ERC2: variants seen among roughly 807,000 people sequenced by gnomAD.
ERC2 encodes the protein ELKS/RAB6-interacting/CAST family member 2.
In ERC2, 42 loss-of-function variants were observed where a neutral mutation model predicts 114.8. The ratio of observed to expected loss-of-function variants is 0.37; its 90% CI spans 0.29 to 0.47. The LOEUF (loss-of-function observed/expected upper bound fraction) is 0.47, where lower values mean the gene tolerates loss of function less well. Among genes scored for constraint, ERC2 ranks in the 20% least tolerant of loss-of-function variants. The probability of loss-of-function intolerance (pLI) is 0.99; values close to 1 mark genes in which losing one functional copy is unlikely to be tolerated. For synonymous variants in ERC2, 454 were observed against 425.5 expected, an observed-to-expected ratio of 1.07 and a Z score of -0.82; for missense variants, 939 against 1,150.7, an observed-to-expected ratio of 0.82 and a Z score of 2.66.
At chr3:55,584,166 G>A (rs546235650) in intron 17 of ERC2, among the ~76,000 whole-genome samples, 1 of 152,278 alleles carries the variant, frequency 6.6e-6, no homozygotes, top group South Asian at 2.1e-4. Context: ...CCCCCACAGG[G>A]AAGCCTATTG....
At chr3:56,156,813 A>G (rs1303800232) in intron 4 of ERC2, among the ~76,000 whole-genome samples, 1 of 152,218 alleles carries the variant, frequency 6.6e-6, no homozygotes, top group Non-Finnish European at 1.5e-5. Flanking sequence ...CATCAAAATC[A>G]TCTAGAGAGT....
chr3:55,595,229 T>G (rs1303823879), intron 17 of ERC2, among the ~76,000 whole-genome samples: 1 of 152,216 alleles, frequency 6.6e-6, no homozygotes, highest in Non-Finnish European at 1.5e-5. Context: ...AATCAAGATA[T>G]CTGTTTAAAT....
intron 6 of ERC2, among the ~76,000 whole-genome samples, chr3:56,128,967 G>C (rs1476482018): frequency 1.3e-5 from 2 of 152,168 alleles, no homozygotes; most frequent in Non-Finnish European, 2.9e-5. Context: ...AAGGATTTAA[G>C]AAATCATCTA....
At chr3:55,895,193 G>A (rs1399019873) in intron 13 of ERC2, among the ~76,000 whole-genome samples, 1 of 152,180 alleles carries the variant, frequency 6.6e-6, no homozygotes, top group Non-Finnish European at 1.5e-5. Context: ...TTTAAGATTG[G>A]TTAGGTTACT....
intron 14 of ERC2, among the ~76,000 whole-genome samples, chr3:55,737,582 A>G (rs2065713241): frequency 6.6e-6 from 1 of 152,220 alleles, no homozygotes; most frequent in Non-Finnish European, 1.5e-5. Flanking sequence ...TTTAATGAAA[A>G]CAAACTAAAG....
intron 6 of ERC2, among the ~76,000 whole-genome samples, chr3:56,082,487 G>A (rs1182530751): frequency 6.6e-6 from 1 of 151,998 alleles, no homozygotes; most frequent in Non-Finnish European, 1.5e-5. Flanking sequence ...CTAGCAGCCT[G>A]AATGAACTAA....
chr3:55,880,882 G>A (rs1473994683), intron 14 of ERC2, among the ~76,000 whole-genome samples: 1 of 151,956 alleles, frequency 6.6e-6, no homozygotes, highest in East Asian at 1.9e-4. Flanking sequence ...TGTAATGAAT[G>A]TACCTAACAT....
At chr3:55,708,805 GGGAATAAATAAAGGAA>G (rs1397215404) in intron 15 of ERC2, among the ~76,000 whole-genome samples, 1 of 151,730 alleles carries the variant, frequency 6.6e-6, no homozygotes, top group Non-Finnish European at 1.5e-5. Context: ...GAAGGAGACT[GGGAATAAATAAAGGAA>G]GGAAGAAAGG....
intron 14 of ERC2, among the ~76,000 whole-genome samples, chr3:55,843,903 T>C (rs987459499): frequency 2.0e-5 from 3 of 152,206 alleles, no homozygotes; most frequent in African/African-American, 7.2e-5. Flanking sequence ...TAACAAATGT[T>C]TTCTGCTGGG....
At chr3:56,157,912 G>C (rs547641406) in intron 4 of ERC2, among the ~76,000 whole-genome samples, 1 of 152,250 alleles carries the variant, frequency 6.6e-6, no homozygotes, top group East Asian at 1.9e-4. Flanking sequence ...TGAGGCCTGT[G>C]GTTGACTTCT....
At chr3:56,432,822 T>A (rs1422583301) in intron 2 of ERC2, among the ~76,000 whole-genome samples, 1 of 152,194 alleles carries the variant, frequency 6.6e-6, no homozygotes, top group Non-Finnish European at 1.5e-5. Flanking sequence ...CTTCAGAAAG[T>A]TAAATAATAT....
At chr3:56,387,640 G>A (rs1156617149) in intron 2 of ERC2, among the ~76,000 whole-genome samples, 2 of 152,162 alleles carry the variant, frequency 1.3e-5, no homozygotes, top group Non-Finnish European at 2.9e-5. Context: ...AAAATGACAA[G>A]GAGATTTTAT....
chr3:55,838,928 C>T (rs767105995), intron 14 of ERC2, among the ~76,000 whole-genome samples: 9 of 151,764 alleles, frequency 5.9e-5, no homozygotes, highest in Non-Finnish European at 1.2e-4. Flanking sequence ...TAATACCCTG[C>T]TACTCATGAA....
chr3:56,108,194 A>T (rs894151863), intron 6 of ERC2, among the ~76,000 whole-genome samples: 3 of 152,198 alleles, frequency 2.0e-5, no homozygotes, highest in African/African-American at 7.2e-5. Flanking sequence ...TGCAACTTTC[A>T]TTCCTATAAA....
chr3:55,688,952 C>T (rs1030917261), intron 16 of ERC2, among the ~76,000 whole-genome samples: 12 of 152,162 alleles, frequency 7.9e-5, no homozygotes, highest in African/African-American at 1.9e-4. Flanking sequence ...TTCTATCGCA[C>T]GAGCCACATC....
chr3:55,719,016 T>C (rs902001955), intron 15 of ERC2, among the ~76,000 whole-genome samples: 16 of 152,206 alleles, frequency 1.1e-4, no homozygotes, highest in African/African-American at 3.1e-4. Context: ...AGAAAAATTG[T>C]AGTGAAGTCG....
At chr3:55,986,854 T>TA (rs965658014) in intron 11 of ERC2, among the ~76,000 whole-genome samples, 3 of 152,022 alleles carry the variant, frequency 2.0e-5, no homozygotes, top group Middle Eastern at 3.2e-3. Flanking sequence ...CAGGCTACTA[T>TA]AGGAGCACAT....
intron 17 of ERC2, among the ~76,000 whole-genome samples, chr3:55,579,024 A>G (rs1251540412): frequency 6.6e-6 from 1 of 152,138 alleles, no homozygotes; most frequent in Non-Finnish European, 1.5e-5. Flanking sequence ...CATTTCTACT[A>G]CATTCTGTTG....
intron 13 of ERC2, among the ~76,000 whole-genome samples, chr3:55,904,436 A>G (rs548472091): frequency 6.6e-6 from 1 of 152,334 alleles, no homozygotes; most frequent in South Asian, 2.1e-4. Context: ...ACTAAATTTC[A>G]TCTGAATACC....
Sources: allele counts gnomAD v4.1 joint callset (sites outside exome capture counted in the v4.1 genomes callset), GRCh38; gene constraint gnomAD v4.1.1; transcripts MANE v1.5; gene names NCBI Gene and HGNC (gene_info 2026-07-23, HGNC 2026-07-21).